The following CSMD2 variants were observed in gnomAD, a reference collection of about 807,000 sequenced individuals.
CSMD2 encodes the protein CUB and sushi domain-containing protein 2.
In CSMD2, 130 loss-of-function variants were observed where a neutral mutation model predicts 398.5. That is an observed-to-expected ratio of 0.33 (90% CI 0.28 to 0.38). CSMD2 has a LOEUF of 0.38. Among genes scored for constraint, CSMD2 ranks in the 10% least tolerant of loss-of-function variants. CSMD2 has a pLI of 1.00. For synonymous variants in CSMD2, 1,828 were observed against 1,908.5 expected (o/e 0.96, Z 1.10); for missense variants, 3,829 against 4,764.9 (o/e 0.80, Z 5.78).
At chr1:33,739,409 C>T (rs1646986261) in intron 14 of CSMD2, 75 bp from the exon 15 acceptor site, 15 of 1,407,270 alleles carry the variant, frequency 1.1e-5, no homozygotes, top group Non-Finnish European at 1.3e-5. Context: ...AATTAGCTTC[C>T]TTGGGATGGG....
intron 25 of CSMD2, among the ~76,000 whole-genome samples, chr1:33,690,134 T>C (rs1557735437): frequency 1.3e-5 from 2 of 152,152 alleles, no homozygotes; most frequent in Admixed American, 6.6e-5. Context: ...CGCAGCCTCA[T>C]AGCCCCAACG....
chr1:33,848,180 A>G (rs554636828), intron 5 of CSMD2, among the ~76,000 whole-genome samples: 1 of 152,266 alleles, frequency 6.6e-6, no homozygotes, highest in East Asian at 1.9e-4. Context: ...CTATGGGGGA[A>G]CCACCCGGGA....
At chr1:33,555,556 A>G (rs1348622967) in intron 55 of CSMD2, among the ~76,000 whole-genome samples, 3 of 152,222 alleles carry the variant, frequency 2.0e-5, no homozygotes, top group Non-Finnish European at 4.4e-5. Context: ...GAAACCTTTC[A>G]TGAAAGGAAG....
In CSMD2 at chr1:34,076,460, G is replaced by C. The variant is rs75265201; in HGVS notation, c.404+12517C>G. 5.9e-3 allele frequency among the ~76,000 whole-genome samples: 905 copies of C among 152,230 alleles called. 9 individuals carry two copies. Among genetic ancestry groups the C allele is most frequent in the East Asian group, 0.053 (272 of 5,154 alleles). On this transcript the variant is annotated intron_variant, in intron 2 of 70. Transcript: ENST00000373381. ...GCTGTGCATTGTGGGATGATGTTTAGCAGAATCCCTGGCCTCAACCTAGTA... is the reference window on the plus strand; with the variant it reads ...GCTGTGCATTGTGGGATGATGTTTACCAGAATCCCTGGCCTCAACCTAGTA...
rs894933877 is a variant in CSMD2 at position 33,514,150 on chromosome 1, CAAG to C, written c.*2471_*2473del. 2 of 152,270 alleles carry C rather than the reference CAAG, an allele frequency of 1.3e-5. No homozygotes were observed. Among genetic ancestry groups the C allele is most frequent in the Admixed American group, 1.3e-4 (2 of 15,252 alleles). The allele number at this position is 152,270 out of a possible 1,614,324, so 9.4% of individuals were successfully genotyped here. A position where few individuals can be genotyped will look rare whatever the true frequency, so the allele number is the denominator to read the frequency against. On this transcript the variant is annotated 3_prime_UTR_variant, in exon 71 of 71. Coordinates refer to ENST00000373381, the MANE Select transcript of CSMD2 (RefSeq NM_001281956.2). ...TTAAATGTATATACTGCAGACAAGCCAAGAAGGTGTGTAGATTACATATTTACA... is the reference window on the plus strand; with the variant it reads ...TTAAATGTATATACTGCAGACAAGCCAAGGTGTGTAGATTACATATTTACA...
intron 3 of CSMD2, among the ~76,000 whole-genome samples, chr1:33,992,376 CTTT>C (rs746395640): frequency 2.0e-5 from 3 of 151,938 alleles, no homozygotes; most frequent in Non-Finnish European, 2.9e-5. Flanking sequence ...CCTTCTACTT[CTTT>C]GTATTTTTAG....
intron 1 of CSMD2, among the ~76,000 whole-genome samples, chr1:34,122,958 G>A (rs1208689404): frequency 1.3e-5 from 2 of 152,200 alleles, no homozygotes; most frequent in African/African-American, 4.8e-5. Flanking sequence ...TTTGCCTCAT[G>A]AAATTCTCCC....
intron 12 of CSMD2, among the ~76,000 whole-genome samples, chr1:33,782,579 C>T (rs1033491132): frequency 6.6e-6 from 1 of 152,198 alleles, no homozygotes; most frequent in Non-Finnish European, 1.5e-5. Context: ...ATAGAGAATG[C>T]ATGGGCTGTT....
chr1:34,102,820 T>C (rs970229768), intron 1 of CSMD2, among the ~76,000 whole-genome samples: 3 of 152,204 alleles, frequency 2.0e-5, no homozygotes, highest in Non-Finnish European at 4.4e-5. Context: ...CTAAGTACAA[T>C]TCAGACCTGC....
At chr1:34,031,673 C>A (rs1367832654) in intron 3 of CSMD2, among the ~76,000 whole-genome samples, 1 of 149,730 alleles carries the variant, frequency 6.7e-6, no homozygotes, top group Non-Finnish European at 1.5e-5. Flanking sequence ...ACACCCCTGG[C>A]CAAGACAGGG....
intron 70 of CSMD2, among the ~76,000 whole-genome samples, chr1:33,517,856 C>T (rs1653900534): frequency 6.6e-6 from 1 of 152,226 alleles, no homozygotes; most frequent in Admixed American, 6.5e-5. Flanking sequence ...ACGTCAGGGG[C>T]TGGGCAGTGA....
chr1:34,106,690 A>G (rs1056937905), intron 1 of CSMD2, among the ~76,000 whole-genome samples: 1 of 152,162 alleles, frequency 6.6e-6, no homozygotes, highest in South Asian at 2.1e-4. Context: ...AGGGACCTGG[A>G]TACAAAACGG....
intron 70 of CSMD2, among the ~76,000 whole-genome samples, 191 bp from the exon 71 acceptor site, chr1:33,516,761 C>T (rs969615896): frequency 2.0e-5 from 3 of 152,180 alleles, no homozygotes; most frequent in Non-Finnish European, 2.9e-5. Context: ...GTAGGGAATA[C>T]GTGCAGCAGA....
At chr1:33,541,905 C>T (rs1300778170) in intron 58 of CSMD2, among the ~76,000 whole-genome samples, 3 of 152,126 alleles carry the variant, frequency 2.0e-5, no homozygotes, top group Admixed American at 6.5e-5. Context: ...GCTGTTGTAC[C>T]TACGAGGCCT....
At chr1:33,850,915 T>C (rs1638660324) in intron 5 of CSMD2, among the ~76,000 whole-genome samples, 1 of 152,126 alleles carries the variant, frequency 6.6e-6, no homozygotes, top group Non-Finnish European at 1.5e-5. Context: ...ATTCCCTTCA[T>C]GAAGAAGAGC....
chr1:33,571,651 T>C lies in CSMD2; in HGVS notation c.7838A>G (p.Gln2613Arg), dbSNP rs1246541714. ...RWRLIFETQY[Q>R]FQAQLMLICD... Reference sequence around the variant, plus strand: ...GATGAGCATCAGCTGGGCCTGGAACTGATACTGTGTCTCAAAGATAAGCCT... The same window carrying C: ...GATGAGCATCAGCTGGGCCTGGAACCGATACTGTGTCTCAAAGATAAGCCT... Residue 2613 changes from glutamine to arginine, a missense_variant, in exon 51 of 71, where the codon CAG becomes CGG. Around this residue, in one of 5 missense-constraint regions of CSMD2, gnomAD observed 723 missense variants for 758.6 expected, o/e 0.95. Transcript: ENST00000373381. 4.4e-6 allele frequency: 7 copies of C among 1,585,266 alleles called. No individual in the cohort carries two copies. In the South Asian group the frequency reaches 8.2e-5, roughly 19 times the overall value.
At chr1:33,984,973 G>T (rs1002372383) in intron 3 of CSMD2, among the ~76,000 whole-genome samples, 2 of 152,172 alleles carry the variant, frequency 1.3e-5, no homozygotes, top group Non-Finnish European at 2.9e-5. Context: ...GCACAAATGG[G>T]TAATGATTGC....
intron 25 of CSMD2, among the ~76,000 whole-genome samples, chr1:33,689,945 T>C (rs1645180363): frequency 6.6e-6 from 1 of 152,190 alleles, no homozygotes; most frequent in Non-Finnish European, 1.5e-5. Context: ...TGAGAAAAGT[T>C]GGTGTGATCA....
chr1:33,944,133 A>G (rs1283276461), intron 3 of CSMD2, among the ~76,000 whole-genome samples: 2 of 152,144 alleles, frequency 1.3e-5, no homozygotes, highest in East Asian at 1.9e-4. Flanking sequence ...AGTTATAAAA[A>G]TAGCCAGCTG....
Sources: allele counts gnomAD v4.1 joint callset (sites outside exome capture counted in the v4.1 genomes callset), GRCh38; gene constraint gnomAD v4.1.1; regional missense constraint gnomAD v4.1.1; transcripts MANE v1.5; gene names NCBI Gene and HGNC (gene_info 2026-07-23, HGNC 2026-07-21).